DAPK2: variants seen among roughly 807,000 people sequenced by gnomAD.
DAPK2 encodes death associated protein kinase 2.
DAPK2 carries 35 observed loss-of-function variants against 44.1 expected under a neutral mutation model. The observed-to-expected ratio is 0.79, with a 90% CI of 0.61 to 1.05. The LOEUF (loss-of-function observed/expected upper bound fraction) is 1.05, where lower values mean the gene tolerates loss of function less well. DAPK2 is among the 50% of genes least tolerant of loss of function. DAPK2 has a pLI of 0.00. For missense variants in DAPK2, 453 were observed against 483.2 expected (o/e 0.94, Z 0.59); for synonymous variants, 174 against 182.6 (o/e 0.95, Z 0.38).
intron 1 of DAPK2, among the ~76,000 whole-genome samples, chr15:64,033,914 C>CAAA (rs1301906196): frequency 9.6e-6 from 1 of 103,728 alleles, no homozygotes. Context: ...GACTCTGTCT[C>CAAA]AAAAAAAAAA....
In DAPK2 at chr15:64,036,319, G is replaced by GTATATATATATATATATA. The variant is rs57218056; in HGVS notation, c.92+3833_92+3850dup. 3.7e-4 allele frequency among the ~76,000 whole-genome samples: 21 copies of GTATATATATATATATATA among 56,656 alleles called. 1 individual carries two copies. The highest frequency in any genetic ancestry group is 5.4e-4 in the Admixed American group (2 of 3,722). 37.2% of individuals were successfully genotyped at this position (56,656 alleles called of 152,430 possible). A position where few individuals can be genotyped will look rare whatever the true frequency, so the allele number is the denominator to read the frequency against. On this transcript the variant is annotated intron_variant, in intron 1 of 10. Transcript: ENST00000261891. ...TGTGTGTGTGTGTGTGTATATATAT[G>GTATATATATATATATATA]TATATATATATATATATACATATAT... is the stretch of plus-strand genomic sequence containing the variant.
chr15:64,025,856 G>C (rs550821424), intron 1 of DAPK2, among the ~76,000 whole-genome samples: 53 of 152,192 alleles, frequency 3.5e-4, no homozygotes, highest in Non-Finnish European at 5.9e-4. Flanking sequence ...TATTGCGGGG[G>C]ATGGATAACA....
chr15:63,972,359 G>T (rs1049630424), intron 2 of DAPK2, among the ~76,000 whole-genome samples: 5 of 152,196 alleles, frequency 3.3e-5, no homozygotes, highest in African/African-American at 1.2e-4. Flanking sequence ...ACTAGAAAAA[G>T]CCTACATTGC....
chr15:63,993,441 T>C (rs1325027780), intron 1 of DAPK2, among the ~76,000 whole-genome samples: 1 of 145,834 alleles, frequency 6.9e-6, no homozygotes, highest in Non-Finnish European at 1.5e-5. Context: ...ACCAGTTATT[T>C]CTTGCCCAAT....
intron 8 of DAPK2, chr15:63,921,668 C>T (rs4776668): frequency 0.62 from 94,577 of 152,092 alleles, 30,213 homozygotes; most frequent in East Asian, 0.99. Flanking sequence ...AAAACCCTCA[C>T]GGAACTTCTT....
chr15:63,940,495 G>C (rs2077277161), intron 3 of DAPK2, among the ~76,000 whole-genome samples: 1 of 152,156 alleles, frequency 6.6e-6, no homozygotes, highest in South Asian at 2.1e-4. Context: ...TGGATTACTT[G>C]AGGTCAGGAG....
chr15:63,992,091 C>G (rs2078836565), intron 1 of DAPK2, among the ~76,000 whole-genome samples: 1 of 152,052 alleles, frequency 6.6e-6, no homozygotes, highest in South Asian at 2.1e-4. Context: ...CAGGGCCAAG[C>G]TGGGCTAAAG....
chr15:64,016,846 A>AGGAG (rs1437908440), intron 1 of DAPK2, among the ~76,000 whole-genome samples: 560 of 10,552 alleles, frequency 0.053, no homozygotes, highest in Middle Eastern at 0.11. Context: ...GAGGGAAGGA[A>AGGAG]GGAAGGAAGG....
intron 1 of DAPK2, among the ~76,000 whole-genome samples, chr15:63,989,078 G>A (rs2078744135): frequency 6.6e-6 from 1 of 151,648 alleles, no homozygotes; most frequent in African/African-American, 2.4e-5. Flanking sequence ...TACTTGGGAG[G>A]CTGAGGTATG....
intron 3 of DAPK2, among the ~76,000 whole-genome samples, chr15:63,951,302 T>C (rs2077579803): frequency 6.6e-6 from 1 of 152,130 alleles, no homozygotes; most frequent in African/African-American, 2.4e-5. Context: ...GCCTCTGTGT[T>C]GGAATCATGC....
intron 1 of DAPK2, among the ~76,000 whole-genome samples, chr15:64,014,809 A>T (rs1463638709): frequency 6.6e-6 from 1 of 151,916 alleles, no homozygotes; most frequent in East Asian, 1.9e-4. Flanking sequence ...AATCCCAGCT[A>T]TTTGGGAGGC....
At position 63,923,055 on chromosome 15, in the gene DAPK2, G is replaced by A; in HGVS notation, c.858+1761C>T. The A allele has an allele frequency of 2.6e-6, 4 of 1,535,846 alleles. No homozygotes were observed. The highest frequency in any genetic ancestry group is 3.5e-6 in the Non-Finnish European group (4 of 1,146,728). On this transcript the variant is annotated intron_variant, in intron 8 of 10. Transcript: ENST00000261891. This position sits in a 1 kb window ranked among gnomAD's most constrained non-coding sequence, Gnocchi z 4.2. ...TCATACCTGAGCTGGGACAGGTCAT[G>A]CCGGGCGCTCTCATTCTCCTCTCGG... is the stretch of plus-strand genomic sequence containing the variant.
intron 1 of DAPK2, among the ~76,000 whole-genome samples, chr15:63,997,333 T>A (rs187206722): frequency 1.3e-4 from 20 of 152,304 alleles, no homozygotes; most frequent in Admixed American, 1.3e-3. Context: ...GCAATTTATT[T>A]TATTTTATTT....
chr15:63,949,354 G>T (rs1470943975), intron 3 of DAPK2, among the ~76,000 whole-genome samples: 1 of 152,212 alleles, frequency 6.6e-6, no homozygotes, highest in Non-Finnish European at 1.5e-5. Flanking sequence ...TCACTTTCAA[G>T]GCCATTCCAG....
chr15:63,922,888 C>A (rs1171832829), intron 8 of DAPK2: 3 of 1,535,822 alleles, frequency 2.0e-6, no homozygotes, highest in Non-Finnish European at 2.6e-6. Flanking sequence ...GAATCCACTG[C>A]AGGTCTGCGG....
chr15:63,926,090 T>G (rs1258389358), exon 7 of DAPK2: 1 of 1,606,714 alleles, frequency 6.2e-7, no homozygotes, highest in African/African-American at 1.3e-5. Context: ...ATGCTCCACT[T>G]AAGCTGAGTA....
intron 8 of DAPK2, among the ~76,000 whole-genome samples, chr15:63,914,510 TC>T (rs558696674): frequency 2.0e-5 from 3 of 151,582 alleles, no homozygotes; most frequent in Non-Finnish European, 2.9e-5. Flanking sequence ...CTGGGTCTAG[TC>T]CCCCCCTGGA....
At chr15:64,024,186 G>A (rs2079769481) in intron 1 of DAPK2, among the ~76,000 whole-genome samples, 1 of 152,168 alleles carries the variant, frequency 6.6e-6, no homozygotes, top group South Asian at 2.1e-4. Context: ...CCAAGCCTTA[G>A]GTGAAAATCA....
intron 4 of DAPK2, among the ~76,000 whole-genome samples, chr15:63,938,642 C>T (rs2077225950): frequency 6.6e-6 from 1 of 152,200 alleles, no homozygotes; most frequent in Admixed American, 6.5e-5. Flanking sequence ...TTCATGACCC[C>T]AATCTCCGGC....
Sources: gnomAD v4.1 joint callset for allele counts (sites outside exome capture counted in the v4.1 genomes callset) on GRCh38, gnomAD v4.1.1 for gene constraint, Gnocchi (gnomAD v3.1) non-coding constraint, MANE v1.5 for transcripts, NCBI Gene and HGNC (gene_info 2026-07-23, HGNC 2026-07-21) for gene names.